The following SYNCRIP variants were observed in gnomAD, a reference collection of about 807,000 sequenced individuals.
The protein encoded by SYNCRIP is synaptotagmin binding cytoplasmic RNA interacting protein.
SYNCRIP carries 9 observed loss-of-function variants against 68.9 expected under a neutral mutation model. The ratio of observed to expected loss-of-function variants is 0.13; its 90% CI spans 0.08 to 0.23. SYNCRIP has a LOEUF of 0.23. Ranked by LOEUF, SYNCRIP falls within the 10% of genes least tolerant of loss-of-function variation. The probability of loss-of-function intolerance (pLI) is 1.00; values close to 1 mark genes in which losing one functional copy is unlikely to be tolerated. For missense variants in SYNCRIP, 414 were observed against 770.6 expected (o/e 0.54, Z 5.48); for synonymous variants, 258 against 254.0 (o/e 1.02, Z -0.15).
intron 8 of SYNCRIP, among the ~76,000 whole-genome samples, chr6:85,620,791 T>C (rs940088181): frequency 6.6e-6 from 1 of 152,118 alleles, no homozygotes; most frequent in Non-Finnish European, 1.5e-5. Context: ...CTAAAACTGC[T>C]CTAATGAAGT....
chr6:85,633,195 G>C (rs560061605), intron 6 of SYNCRIP, among the ~76,000 whole-genome samples: 8 of 151,802 alleles, frequency 5.3e-5, no homozygotes, highest in African/African-American at 1.4e-4. Context: ...GGCAGAGCTT[G>C]CAGTGAGCCG....
In SYNCRIP at chr6:85,619,274, A is replaced by C. The variant is rs750710282; in HGVS notation, c.1152T>G (p.Ala384=). The C allele has an allele frequency of 1.2e-6, 2 of 1,613,850 alleles. No individual in the cohort carries two copies. Among genetic ancestry groups the C allele is most frequent in the Admixed American group, 1.7e-5 (1 of 59,938 alleles). Reference sequence around the variant, plus strand: ...GTAATTCCACCATATTTACCTTGACAGCACCATCTCGCTCATCAAAATGAA... The same window carrying C: ...GTAATTCCACCATATTTACCTTGACCGCACCATCTCGCTCATCAAAATGAA... ...AFIHFDERDG[A]VKAMEEMNGK... is the part of the protein sequence containing the mutation. The change falls in exon 9 of 11, where the codon GCT becomes GCG. Residue 384 remains alanine (A), a synonymous_variant. Transcript: ENST00000369622.
At chr6:85,630,144 G>A (rs1204542428) in intron 6 of SYNCRIP, among the ~76,000 whole-genome samples, 1 of 151,968 alleles carries the variant, frequency 6.6e-6, no homozygotes, top group Non-Finnish European at 1.5e-5. Flanking sequence ...GGCGGATCAC[G>A]AGGTCAGGAG....
At chr6:85,636,242 C>T (rs1369353154) in intron 6 of SYNCRIP, among the ~76,000 whole-genome samples, 1 of 152,018 alleles carries the variant, frequency 6.6e-6, no homozygotes, top group Non-Finnish European at 1.5e-5. Context: ...GTCAGGAGTT[C>T]GAGACCAGCC....
chr6:85,620,047 G>C (rs770318873), intron 8 of SYNCRIP, among the ~76,000 whole-genome samples: 1 of 152,124 alleles, frequency 6.6e-6, no homozygotes, highest in Non-Finnish European at 1.5e-5. Context: ...AGGAGCTCGA[G>C]ACCAGCCTGG....
intron 6 of SYNCRIP, among the ~76,000 whole-genome samples, chr6:85,634,907 T>C (rs59846877): frequency 0.013 from 1,918 of 152,268 alleles, 35 homozygotes; most frequent in African/African-American, 0.044. Flanking sequence ...CAGTGGCTCA[T>C]GCCTGTCATC....
chr6:85,630,109 C>A (rs900711720), intron 6 of SYNCRIP, among the ~76,000 whole-genome samples: 1 of 152,128 alleles, frequency 6.6e-6, no homozygotes, highest in Non-Finnish European at 1.5e-5. Context: ...CGTCTGTAAT[C>A]CCAGCACTTT....
chr6:85,638,779 AT>A (rs542082609), intron 4 of SYNCRIP, among the ~76,000 whole-genome samples: 1 of 152,196 alleles, frequency 6.6e-6, no homozygotes, highest in Non-Finnish European at 1.5e-5. Flanking sequence ...CTATAAACGG[AT>A]TTTTTAACCT....
chr6:85,634,287 T>C (rs186077486), intron 6 of SYNCRIP, among the ~76,000 whole-genome samples: 1 of 152,368 alleles, frequency 6.6e-6, no homozygotes, highest in East Asian at 1.9e-4. Context: ...TCTAATGATG[T>C]ATCTTTACTG....
chr6:85,617,419 C>T (rs942394557), intron 10 of SYNCRIP, among the ~76,000 whole-genome samples: 1 of 152,110 alleles, frequency 6.6e-6, no homozygotes, highest in Non-Finnish European at 1.5e-5. Context: ...AACCATATAT[C>T]GTCTTCTGAA....
chr6:85,625,431 C>A lies in SYNCRIP; in HGVS notation c.667-1319G>T, dbSNP rs1197625688. Among the ~76,000 whole-genome samples, 3 of 151,438 alleles carry A rather than the reference C, an allele frequency of 2.0e-5. 1 individual carries two copies. Among genetic ancestry groups the A allele is most frequent in the Non-Finnish European group, 2.9e-5 (2 of 67,916 alleles). On this transcript the variant is annotated intron_variant, in intron 6 of 10. Transcript: ENST00000369622. ...ACAGAGTCTTGCTCTGTCCCCCAGG[C>A]AGGAGTGCAGCAGTGGCACTATCTC... is the stretch of plus-strand genomic sequence containing the variant.
intron 5 of SYNCRIP, 31 bp from the exon 6 acceptor site, chr6:85,637,174 G>A (rs751890406): frequency 1.7e-5 from 27 of 1,606,972 alleles, no homozygotes; most frequent in Non-Finnish European, 2.0e-5. Context: ...AAAAACCATG[G>A]AGAATTGCTT....
downstream of SYNCRIP, chr6:85,612,580 A>G (rs150082967): frequency 4.8e-4 from 106 of 221,814 alleles, no homozygotes; most frequent in East Asian, 8.7e-3. Flanking sequence ...CAGATTTTTA[A>G]AAGAACTTTA....
At chr6:85,619,525 T>C (rs1806152025) in intron 8 of SYNCRIP, 108 bp from the exon 9 acceptor site, 1 of 993,940 alleles carries the variant, frequency 1.0e-6, no homozygotes, top group Non-Finnish European at 1.4e-6. Context: ...ATTAGAAGAA[T>C]GTCAGAATAT....
intron 6 of SYNCRIP, among the ~76,000 whole-genome samples, chr6:85,628,021 A>C (rs1419108240): frequency 6.6e-6 from 1 of 151,914 alleles, no homozygotes; most frequent in Non-Finnish European, 1.5e-5. Context: ...TTCTCAGCAA[A>C]GCCCCTACCT....
chr6:85,642,552 C>G (rs1187387038), intron 1 of SYNCRIP, among the ~76,000 whole-genome samples: 44 of 152,172 alleles, frequency 2.9e-4, no homozygotes, highest in Non-Finnish European at 2.9e-5. Flanking sequence ...GTGCGGGCCA[C>G]GGGACCGTGG....
intron 10 of SYNCRIP, among the ~76,000 whole-genome samples, chr6:85,616,205 T>C (rs1805746756): frequency 6.6e-6 from 1 of 152,234 alleles, no homozygotes; most frequent in Non-Finnish European, 1.5e-5. Flanking sequence ...AGTACAATTT[T>C]ATACAATTCC....
intron 10 of SYNCRIP, among the ~76,000 whole-genome samples, chr6:85,618,159 C>G (rs1178197167): frequency 1.3e-5 from 2 of 152,130 alleles, no homozygotes; most frequent in Non-Finnish European, 2.9e-5. Context: ...AGAAAAAACT[C>G]TCCACCCTTT....
rs528977970 is a variant in SYNCRIP at position 85,614,600 on chromosome 6, GA to G, written c.*155del. On this transcript the variant is annotated 3_prime_UTR_variant, in exon 11 of 11. Coordinates refer to ENST00000369622, the MANE Select transcript of SYNCRIP (RefSeq NM_006372.5). The stretch of plus-strand genomic sequence containing the variant: ...AAAATCAGTTCGCCAGAAGCAGTTA[GA>G]AGTGTGGCTTTGTTCGTGTCCAAGC... The G allele has an allele frequency of 1.3e-5, 17 of 1,302,338 alleles. No individual in the cohort carries two copies. In the East Asian group the frequency reaches 2.1e-4, roughly 16 times the overall value. 80.7% of individuals were successfully genotyped at this position (1,302,338 alleles called of 1,614,324 possible). A position where few individuals can be genotyped will look rare whatever the true frequency, so the allele number is the denominator to read the frequency against.
Sources: allele counts gnomAD v4.1 joint callset (sites outside exome capture counted in the v4.1 genomes callset), GRCh38; gene constraint gnomAD v4.1.1; transcripts MANE v1.5; gene names NCBI Gene and HGNC (gene_info 2026-07-23, HGNC 2026-07-21).